The following INSL6 variants were observed in gnomAD, a reference collection of about 807,000 sequenced individuals.
INSL6 encodes the protein insulin-like peptide INSL6.
Under a neutral mutation model 9.4 loss-of-function variants are expected in INSL6, and 16 were observed. That is an observed-to-expected ratio of 1.70 (90% CI 1.15 to 2.59). The LOEUF is 2.59. Among genes scored for constraint, INSL6 ranks in the 30% most tolerant of loss-of-function variants. INSL6 has a pLI of 0.00. For missense variants in INSL6, 391 were observed against 257.3 expected (o/e 1.52, Z -3.56); for synonymous variants, 154 against 96.9 (o/e 1.59, Z -3.46).
At chr9:5,004,484 T>C in the INSL6 span, among the ~76,000 whole-genome samples, 1 of 152,258 alleles carries the variant, frequency 6.6e-6, no homozygotes, top group Non-Finnish European at 1.5e-5. Flanking sequence ...TTTTTAAGGC[T>C]GAATTATATT....
At position 5,185,349 on chromosome 9, in the gene INSL6, G is replaced by A. The variant is rs776750067; in HGVS notation, c.254C>T (p.Thr85Ile). 1 of 1,614,136 alleles carries A rather than the reference G, an allele frequency of 6.2e-7. No individual in the cohort carries two copies. The highest frequency in any genetic ancestry group is 1.1e-5 in the South Asian group (1 of 91,074). The change falls in exon 1 of 2, where the codon ACC (threonine) becomes ATC (isoleucine). Residue 85 changes from threonine to isoleucine, a missense_variant. Transcript: ENST00000381641. ...YSPYQFESPQ[T>I]ASPARGRGTN... ...GCCTCTTCCCCGGGCCGGGGAAGCG[G>A]TTTGCGGGCTTTCGAACTGGTATGG...
chr9:4,995,332 G>A, the INSL6 span, among the ~76,000 whole-genome samples: 1 of 152,118 alleles, frequency 6.6e-6, no homozygotes, highest in Non-Finnish European at 1.5e-5. Flanking sequence ...TGATTCTGTA[G>A]ATAGTGTGAT....
the INSL6 span, chr9:5,081,635 C>T: frequency 6.9e-5 from 58 of 843,304 alleles, no homozygotes; most frequent in South Asian, 1.7e-4. Context: ...TTTTAACTCA[C>T]GATTATTTTG....
intron 1 of INSL6, among the ~76,000 whole-genome samples, chr9:5,168,077 T>C (rs554948296): frequency 7.9e-5 from 12 of 152,242 alleles, no homozygotes; most frequent in East Asian, 1.9e-4. Flanking sequence ...CCAAAGGTCA[T>C]TGGCCTCAAA....
the INSL6 span, chr9:5,069,006 A>C: frequency 6.8e-7 from 1 of 1,467,622 alleles, no homozygotes; most frequent in Non-Finnish European, 9.3e-7. Flanking sequence ...CTTTCTTTAT[A>C]ATTAAACTTA....
At chr9:5,137,298 A>G (rs558984305) in intron 2 of INSL6, among the ~76,000 whole-genome samples, 3 of 152,296 alleles carry the variant, frequency 2.0e-5, no homozygotes, top group African/African-American at 7.2e-5. Context: ...CAAAAAAAAG[A>G]GCCTGCATAG....
the INSL6 span, chr9:5,081,617 T>G: frequency 2.9e-6 from 2 of 694,596 alleles, no homozygotes; most frequent in Non-Finnish European, 2.4e-6. Context: ...CCCTGTATCA[T>G]TTAGTATTTT....
At chr9:5,072,230 C>CA in the INSL6 span, among the ~76,000 whole-genome samples, 1 of 152,090 alleles carries the variant, frequency 6.6e-6, no homozygotes, top group Non-Finnish European at 1.5e-5. Context: ...TAAAAAGTGA[C>CA]AATTATAGCC....
chr9:5,173,445 T>C (rs1282067444), intron 1 of INSL6, among the ~76,000 whole-genome samples: 1 of 152,118 alleles, frequency 6.6e-6, no homozygotes, highest in East Asian at 1.9e-4. Context: ...AGGAATGAGA[T>C]CATGTCCTTT....
chr9:5,092,612 G>A, the INSL6 span, among the ~76,000 whole-genome samples: 1 of 152,138 alleles, frequency 6.6e-6, no homozygotes, highest in South Asian at 2.1e-4. Context: ...AAAGATGAAA[G>A]AACTGAGCAA....
the INSL6 span, among the ~76,000 whole-genome samples, chr9:5,051,653 G>T: frequency 6.6e-6 from 1 of 152,064 alleles, no homozygotes; most frequent in Non-Finnish European, 1.5e-5. Context: ...TATAAGAATG[G>T]TTTAAGTTTG....
intron 1 of INSL6, among the ~76,000 whole-genome samples, chr9:5,171,067 C>T (rs1825171079): frequency 6.6e-6 from 1 of 152,114 alleles, no homozygotes; most frequent in Non-Finnish European, 1.5e-5. Context: ...TCCTGAAGTA[C>T]ACCAATGTAA....
At chr9:5,140,375 G>A (rs1034578078) in intron 2 of INSL6, among the ~76,000 whole-genome samples, 2 of 151,950 alleles carry the variant, frequency 1.3e-5, no homozygotes, top group Non-Finnish European at 2.9e-5. Flanking sequence ...TCAGAGCTCC[G>A]AAACCCTAAG....
chr9:5,014,038 T>C, the INSL6 span, among the ~76,000 whole-genome samples: 6 of 152,148 alleles, frequency 3.9e-5, no homozygotes, highest in African/African-American at 1.4e-4. Context: ...TTGTGTCTCT[T>C]AGAATTATGT....
At chr9:5,037,376 T>C in the INSL6 span, among the ~76,000 whole-genome samples, 6 of 152,192 alleles carry the variant, frequency 3.9e-5, no homozygotes, top group African/African-American at 1.4e-4. Context: ...CAAAGGATTA[T>C]AAATCATGCT....
intron 3 of INSL6, among the ~76,000 whole-genome samples, chr9:5,124,894 A>G (rs778919722): frequency 1.5e-4 from 22 of 151,622 alleles, no homozygotes; most frequent in Admixed American, 6.6e-5. Flanking sequence ...TTTTAAGGCA[A>G]TATCAAACAA....
At chr9:5,183,945 C>T (rs1198807273) in intron 1 of INSL6, among the ~76,000 whole-genome samples, 1 of 152,110 alleles carries the variant, frequency 6.6e-6, no homozygotes, top group Non-Finnish European at 1.5e-5. Flanking sequence ...TTCATATGCA[C>T]ATTAAAGCGT....
the INSL6 span, among the ~76,000 whole-genome samples, chr9:5,072,064 A>C: frequency 1.3e-5 from 2 of 152,206 alleles, no homozygotes; most frequent in African/African-American, 4.8e-5. Context: ...CAGCTGCAGC[A>C]CAGAGATTAA....
chr9:5,179,154 T>G (rs1212771012), intron 1 of INSL6, among the ~76,000 whole-genome samples: 1 of 151,150 alleles, frequency 6.6e-6, no homozygotes, highest in East Asian at 1.9e-4. Flanking sequence ...ATAAGTAACT[T>G]AAACAAATTT....
Sources: gnomAD v4.1 joint callset for allele counts (sites outside exome capture counted in the v4.1 genomes callset) on GRCh38, gnomAD v4.1.1 for gene constraint, MANE v1.5 for transcripts, NCBI Gene and HGNC (gene_info 2026-07-23, HGNC 2026-07-21) for gene names.